Variants in IMMP2L observed in about 807,000 individuals in gnomAD.
The protein encoded by IMMP2L is inner mitochondrial membrane peptidase subunit 2, also known as mitochondrial inner membrane protease subunit 2.
In IMMP2L, 18 loss-of-function variants were observed where a neutral mutation model predicts 19.3. That is an observed-to-expected ratio of 0.93 (90% confidence interval 0.64 to 1.38). The LOEUF is 1.38. Among genes scored for constraint, IMMP2L ranks in the 40% most tolerant of loss-of-function variants. IMMP2L has a pLI of 0.00. For missense variants in IMMP2L, 233 were observed against 218.2 expected, an observed-to-expected ratio of 1.07 and a Z score of -0.43; for synonymous variants, 76 against 73.0, an observed-to-expected ratio of 1.04 and a Z score of -0.21.
intron 3 of IMMP2L, among the ~76,000 whole-genome samples, chr7:110,986,907 A>C (rs1821919678): frequency 6.6e-6 from 1 of 152,092 alleles, no homozygotes; most frequent in Non-Finnish European, 1.5e-5. Flanking sequence ...TTTATCTTTT[A>C]AATATTTTTC....
chr7:111,202,771 A>G (rs907820624), intron 3 of IMMP2L, among the ~76,000 whole-genome samples: 1 of 152,198 alleles, frequency 6.6e-6, no homozygotes, highest in Non-Finnish European at 1.5e-5. Context: ...AGTTGACCCA[A>G]TAATGATTGA....
rs1801430195 is a variant in IMMP2L, at chr7:110,803,900, G to A, written c.408+82693C>T. Among the ~76,000 whole-genome samples the A allele has an allele frequency of 6.6e-6, 1 of 152,018 alleles. No homozygotes were observed. The highest frequency in any genetic ancestry group is 2.4e-5 in the African/African-American group (1 of 41,422). On this transcript the variant is annotated intron_variant, in intron 5 of 5. Transcript: ENST00000405709. The surrounding 1 kb of genome is among the most constrained non-coding windows in gnomAD (Gnocchi z 4.2). ...AGACCTGGTGAATTACAAAGTCTGG[G>A]GGTGGGGCCATGCAGGAATCTGTTT...
intron 5 of IMMP2L, among the ~76,000 whole-genome samples, chr7:110,866,950 G>A (rs528298542): frequency 3.3e-5 from 5 of 152,022 alleles, no homozygotes; most frequent in South Asian, 2.1e-4. Context: ...AGATTTTCAC[G>A]TACAAAAAAT....
chr7:110,862,128 T>C (rs1434597765), intron 5 of IMMP2L, among the ~76,000 whole-genome samples: 1 of 152,054 alleles, frequency 6.6e-6, no homozygotes, highest in African/African-American at 2.4e-5. Context: ...ATTACACTCA[T>C]ATATAAATAC....
At chr7:111,129,347 C>T (rs1391563877) in intron 3 of IMMP2L, among the ~76,000 whole-genome samples, 4 of 151,570 alleles carry the variant, frequency 2.6e-5, no homozygotes, top group Non-Finnish European at 5.9e-5. Context: ...CCTCAAGTTT[C>T]CCACGACATT....
In IMMP2L at chr7:111,274,123, AAAATCAATGT is replaced by A. The variant is rs200222817; in HGVS notation, c.239+213105_239+213114del. On this transcript the variant is annotated intron_variant, in intron 3 of 5. Transcript: ENST00000405709. Reference sequence around the variant, plus strand: ...TTACACCTGTTTTTCCCAGGGGGAAAAAATCAATGTAAATCCAAATAAAATATAGTAGATA... The same window carrying A: ...TTACACCTGTTTTTCCCAGGGGGAAAAAATCCAAATAAAATATAGTAGATA... Among the ~76,000 whole-genome samples, 29 of 152,262 alleles carry A rather than the reference AAAATCAATGT, an allele frequency of 1.9e-4. No individual in the cohort carries two copies. The East Asian group carries it at 5.4e-3, about 28-fold the overall frequency.
rs146507921 is a variant in IMMP2L, at chr7:111,014,910, G to T, written c.240-51345C>A. ...AAAAGAAAACACAAAAATAATAAGT[G>T]TTGTCAAAGATGTGGAGAATTGGAG... On this transcript the variant is annotated intron_variant, in intron 3 of 5. Transcript: ENST00000405709. Among the ~76,000 whole-genome samples, 308 of 152,284 alleles carry T rather than the reference G, an allele frequency of 2.0e-3. 1 individual carries two copies. Among genetic ancestry groups the T allele is most frequent in the African/African-American group, 5.9e-3 (244 of 41,576 alleles).
At position 110,869,693 on chromosome 7, in the gene IMMP2L, T is replaced by C. The variant is rs1202861853; in HGVS notation, c.408+16900A>G. Reference sequence around the variant, plus strand: ...AGAATCTCAAGGAAGCCAGAAAATCTCTATTTTTTACAAGCTCCTAAGGTG... The same window carrying C: ...AGAATCTCAAGGAAGCCAGAAAATCCCTATTTTTTACAAGCTCCTAAGGTG... On this transcript the variant is annotated intron_variant, in intron 5 of 5. Coordinates refer to ENST00000405709, the MANE Select transcript of IMMP2L (RefSeq NM_032549.4). Among the ~76,000 whole-genome samples the C allele has an allele frequency of 3.3e-5, 5 of 152,120 alleles. No individual in the cohort carries two copies. In the East Asian group the frequency reaches 9.6e-4, roughly 29 times the overall value.
At chr7:111,152,919 A>G (rs1230196067) in intron 3 of IMMP2L, among the ~76,000 whole-genome samples, 1 of 152,120 alleles carries the variant, frequency 6.6e-6, no homozygotes, top group Non-Finnish European at 1.5e-5. Context: ...GTATATAAAT[A>G]TATATAGATG....
chr7:111,281,205 A>G (rs976903077), intron 3 of IMMP2L, among the ~76,000 whole-genome samples: 9 of 47,426 alleles, frequency 1.9e-4, no homozygotes, highest in South Asian at 9.7e-4. Flanking sequence ...AAAGAAAGAA[A>G]GAAAGAAAGA....
At chr7:110,970,738 T>G (rs756655790) in intron 3 of IMMP2L, among the ~76,000 whole-genome samples, 1 of 152,074 alleles carries the variant, frequency 6.6e-6, no homozygotes, top group Middle Eastern at 3.2e-3. Context: ...TTCCCCTTAG[T>G]CAAGCTAGGT....
At chr7:110,932,105 T>C (rs569832283) in intron 4 of IMMP2L, among the ~76,000 whole-genome samples, 3 of 152,132 alleles carry the variant, frequency 2.0e-5, no homozygotes, top group Admixed American at 2.0e-4. Context: ...TATTTATTTA[T>C]GTGTGTGGTC....
intron 1 of IMMP2L, among the ~76,000 whole-genome samples, chr7:111,546,438 T>C (rs1191319446): frequency 6.6e-6 from 1 of 152,190 alleles, no homozygotes; most frequent in African/African-American, 2.4e-5. Context: ...TAATACTCTT[T>C]GTATCTTTGT....
At chr7:111,447,118 G>C (rs991611931) in intron 3 of IMMP2L, among the ~76,000 whole-genome samples, 10 of 145,642 alleles carry the variant, frequency 6.9e-5, no homozygotes, top group East Asian at 2.0e-4. Flanking sequence ...ATGGAACCAA[G>C]TTGGAAAACA....
intron 4 of IMMP2L, among the ~76,000 whole-genome samples, chr7:110,907,757 T>C (rs1812623131): frequency 6.6e-6 from 1 of 152,182 alleles, no homozygotes. Context: ...TTTATATTCA[T>C]TTTTTGCTGT....
intron 1 of IMMP2L, among the ~76,000 whole-genome samples, chr7:111,533,620 A>C (rs1284809300): frequency 6.6e-6 from 1 of 152,218 alleles, no homozygotes; most frequent in African/African-American, 2.4e-5. Context: ...TGAATTAACA[A>C]GTTATGTTGA....
chr7:110,902,683 G>C lies in IMMP2L; in HGVS notation c.306-15988C>G, dbSNP rs992602628. On this transcript the variant is annotated intron_variant, in intron 4 of 5. Transcript: ENST00000405709. ...CTCACGCCTGTAATCCCAGCACTTT[G>C]GGAGGCCGAGGCGGGCGGATCACGA... is the stretch of plus-strand genomic sequence containing the variant. Among the ~76,000 whole-genome samples, 20 of 38,236 alleles carry C rather than the reference G, an allele frequency of 5.2e-4. 7 individuals are homozygous for C. Among genetic ancestry groups the C allele is most frequent in the African/African-American group, 3.2e-3 (20 of 6,312 alleles). 25.1% of individuals were successfully genotyped at this position (38,236 alleles called of 152,430 possible).
intron 5 of IMMP2L, among the ~76,000 whole-genome samples, chr7:110,668,362 G>A (rs1791602777): frequency 6.6e-6 from 1 of 152,120 alleles, no homozygotes; most frequent in African/African-American, 2.4e-5. Flanking sequence ...TCTTATCTGA[G>A]CTCAGCAGAG....
intron 4 of IMMP2L, among the ~76,000 whole-genome samples, chr7:110,933,987 A>G (rs1815796323): frequency 6.6e-6 from 1 of 152,110 alleles, no homozygotes; most frequent in Non-Finnish European, 1.5e-5. Flanking sequence ...AGTGCTATAA[A>G]TTTCCCTCTA....
Sources: gnomAD v4.1 joint callset for allele counts (sites outside exome capture counted in the v4.1 genomes callset) on GRCh38, gnomAD v4.1.1 for gene constraint, Gnocchi (gnomAD v3.1) non-coding constraint, MANE v1.5 for transcripts, NCBI Gene and HGNC (gene_info 2026-07-23, HGNC 2026-07-21) for gene names.